Variants in ANKRD44 observed in about 807,000 individuals in gnomAD.
ANKRD44 encodes serine/threonine-protein phosphatase 6 regulatory ankyrin repeat subunit B.
In ANKRD44, 35 loss-of-function variants were observed where a neutral mutation model predicts 116.0. The ratio of observed to expected loss-of-function variants is 0.30; its 90% CI spans 0.23 to 0.40. The LOEUF (loss-of-function observed/expected upper bound fraction) is 0.40, where lower values mean the gene tolerates loss of function less well. ANKRD44 is among the 10% of genes least tolerant of loss of function. The pLI is 1.00. For synonymous variants in ANKRD44, 435 were observed against 461.8 expected (o/e 0.94, Z 0.74); for missense variants, 1,014 against 1,242.6 (o/e 0.82, Z 2.77).
chr2:197,207,299 C>T (rs1337237516), intron 1 of ANKRD44, among the ~76,000 whole-genome samples: 5 of 152,220 alleles, frequency 3.3e-5, no homozygotes, highest in East Asian at 3.8e-4. Context: ...GAGGCCAGGA[C>T]GTTCTTACCA....
chr2:197,250,464 C>T (rs906361301), intron 1 of ANKRD44, among the ~76,000 whole-genome samples: 5 of 152,182 alleles, frequency 3.3e-5, no homozygotes, highest in East Asian at 1.9e-4. Flanking sequence ...AGCAGAGAAG[C>T]CTTCATTCAT....
intron 16 of ANKRD44, among the ~76,000 whole-genome samples, chr2:197,034,499 T>C (rs1423111145): frequency 6.7e-6 from 1 of 148,550 alleles, no homozygotes; most frequent in Non-Finnish European, 1.5e-5. Context: ...ATTGGCACAA[T>C]AAACTTTGCA....
chr2:197,104,170 G>T (rs954092728), intron 9 of ANKRD44, among the ~76,000 whole-genome samples: 1 of 152,062 alleles, frequency 6.6e-6, no homozygotes, highest in Admixed American at 6.5e-5. Context: ...ACCCAGGCTG[G>T]AGTGCAGTGA....
chr2:197,181,177 G>A (rs1400218486), intron 2 of ANKRD44, among the ~76,000 whole-genome samples: 1 of 151,548 alleles, frequency 6.6e-6, no homozygotes, highest in Non-Finnish European at 1.5e-5. Flanking sequence ...AATCTACTTG[G>A]GTCAAATCCT....
At chr2:197,025,748 G>C (rs747157154) in intron 16 of ANKRD44, among the ~76,000 whole-genome samples, 6 of 152,238 alleles carry the variant, frequency 3.9e-5, no homozygotes, top group Non-Finnish European at 8.8e-5. Flanking sequence ...ACAGCAGATG[G>C]CCAGGCAAGG....
At chr2:197,145,987 A>G (rs899070286) in intron 3 of ANKRD44, among the ~76,000 whole-genome samples, 2 of 152,302 alleles carry the variant, frequency 1.3e-5, no homozygotes, top group South Asian at 2.1e-4. Context: ...CACATGCTCA[A>G]TTCATTCCAG....
At chr2:197,111,447 C>T (rs952836661) in intron 8 of ANKRD44, among the ~76,000 whole-genome samples, 14 of 151,930 alleles carry the variant, frequency 9.2e-5, no homozygotes, top group African/African-American at 2.7e-4. Flanking sequence ...AAGAACAGCC[C>T]GGCCAACATG....
intron 16 of ANKRD44, among the ~76,000 whole-genome samples, chr2:197,052,807 C>A (rs949648186): frequency 1.3e-5 from 2 of 152,152 alleles, no homozygotes; most frequent in African/African-American, 4.8e-5. Flanking sequence ...TGCCTGACTG[C>A]CCCACTCCTA....
intron 1 of ANKRD44, among the ~76,000 whole-genome samples, chr2:197,207,147 G>A (rs539447209): frequency 6.6e-6 from 1 of 152,288 alleles, no homozygotes; most frequent in East Asian, 1.9e-4. Context: ...TGCTGAAGAA[G>A]CAAGTTTGGA....
chr2:196,989,637 T>C lies in ANKRD44; in HGVS notation c.2936A>G (p.Asn979Ser), dbSNP rs2075884668. 6.5e-7 allele frequency: 1 copy of C among 1,550,102 alleles called. No homozygotes were observed. The highest frequency in any genetic ancestry group is 2.0e-5 in the Admixed American group (1 of 50,972). ...GGTTCCAGGTGTGGAACGGGGTCCATTTGACCTAGAAGCTTTGGCAGAGGG... is the reference window on the plus strand; with the variant it reads ...GGTTCCAGGTGTGGAACGGGGTCCACTTGACCTAGAAGCTTTGGCAGAGGG... ...LAVDENASRS[N>S]GPRSTPGTAV... The change falls in exon 28 of 28, where the codon AAT becomes AGT. Residue 979 changes from asparagine (N) to serine (S), a missense_variant. Transcript: ENST00000282272.
intron 9 of ANKRD44, among the ~76,000 whole-genome samples, chr2:197,103,611 G>A (rs2078355775): frequency 6.6e-6 from 1 of 152,018 alleles, no homozygotes; most frequent in Non-Finnish European, 1.5e-5. Context: ...ATATATGCTA[G>A]GATAAGTAAT....
At chr2:197,076,584 C>G (rs1404298060) in intron 16 of ANKRD44, among the ~76,000 whole-genome samples, 1 of 152,102 alleles carries the variant, frequency 6.6e-6, no homozygotes, top group Non-Finnish European at 1.5e-5. Context: ...GTTTGCTGTA[C>G]AGATCATTTT....
intron 2 of ANKRD44, among the ~76,000 whole-genome samples, chr2:197,155,294 A>G (rs561734069): frequency 2.0e-5 from 3 of 152,348 alleles, no homozygotes; most frequent in African/African-American, 4.8e-5. Flanking sequence ...TCACAAAGCT[A>G]GTAAGTGGTA....
intron 1 of ANKRD44, among the ~76,000 whole-genome samples, chr2:197,285,038 T>C (rs535988216): frequency 2.6e-5 from 4 of 151,758 alleles, no homozygotes; most frequent in South Asian, 4.2e-4. Flanking sequence ...TAGCCCAATT[T>C]TGTGGCACTC....
intron 1 of ANKRD44, among the ~76,000 whole-genome samples, chr2:197,205,705 G>A (rs1574270914): frequency 6.6e-6 from 1 of 152,320 alleles, no homozygotes; most frequent in South Asian, 2.1e-4. Flanking sequence ...GGCTCAAGAA[G>A]CTTCGAATCT....
intron 1 of ANKRD44, among the ~76,000 whole-genome samples, chr2:197,216,077 T>G (rs558021106): frequency 6.6e-6 from 1 of 152,320 alleles, no homozygotes; most frequent in East Asian, 1.9e-4. Flanking sequence ...AACTATGCCC[T>G]GGATGCCTGT....
chr2:197,300,568 G>T (rs1413576086), intron 1 of ANKRD44, among the ~76,000 whole-genome samples: 1 of 152,100 alleles, frequency 6.6e-6, no homozygotes, highest in Admixed American at 6.5e-5. Context: ...CATGTGCAAG[G>T]CATTCAGTAT....
At chr2:197,273,959 A>T (rs4850782) in intron 1 of ANKRD44, among the ~76,000 whole-genome samples, 1 of 14,794 alleles carries the variant, frequency 6.8e-5, no homozygotes, top group African/African-American at 2.5e-4. Context: ...TCAACCAACC[A>T]CAAAAAAAAA....
At chr2:197,065,042 C>G (rs942009695) in intron 16 of ANKRD44, among the ~76,000 whole-genome samples, 2 of 152,176 alleles carry the variant, frequency 1.3e-5, no homozygotes, top group African/African-American at 4.8e-5. Flanking sequence ...AAATTGACCA[C>G]ATAGTTGGAA....
Sources: gnomAD v4.1 joint callset for allele counts (sites outside exome capture counted in the v4.1 genomes callset) on GRCh38, gnomAD v4.1.1 for gene constraint, MANE v1.5 for transcripts, NCBI Gene and HGNC (gene_info 2026-07-23, HGNC 2026-07-21) for gene names.